Variants in XKR9 observed in about 807,000 individuals in gnomAD.
XKR9 encodes the protein XK-related protein 9.
XKR9 carries 32 observed loss-of-function variants against 32.0 expected under a neutral mutation model. The ratio of observed to expected loss-of-function variants is 1.00; its 90% CI spans 0.76 to 1.34. The LOEUF (loss-of-function observed/expected upper bound fraction) is 1.34, where lower values mean the gene tolerates loss of function less well. Ranked by LOEUF, XKR9 falls within the 40% of genes most tolerant of loss-of-function variation. XKR9 has a pLI of 0.00. For synonymous variants in XKR9, 168 were observed against 143.4 expected (o/e 1.17, Z -1.22); for missense variants, 546 against 429.7 (o/e 1.27, Z -2.39).
chr8:71,038,688 T>A, the XKR9 span, among the ~76,000 whole-genome samples: 1 of 147,126 alleles, frequency 6.8e-6, no homozygotes, highest in Non-Finnish European at 1.5e-5. Context: ...GAGGGAAACA[T>A]ATTAATTGTA....
chr8:70,746,217 C>T (rs1040998361), intron 2 of XKR9, among the ~76,000 whole-genome samples: 1 of 149,698 alleles, frequency 6.7e-6, no homozygotes, highest in Admixed American at 6.7e-5. Flanking sequence ...TAATTATATT[C>T]CATAAAGAAT....
At chr8:70,850,429 A>C in the XKR9 span, among the ~76,000 whole-genome samples, 1 of 139,822 alleles carries the variant, frequency 7.2e-6, no homozygotes, top group African/African-American at 2.7e-5. Flanking sequence ...TTGCTACTGC[A>C]CTCCAGCCCT....
At chr8:70,906,014 C>G in the XKR9 span, among the ~76,000 whole-genome samples, 4 of 152,202 alleles carry the variant, frequency 2.6e-5, no homozygotes, top group African/African-American at 9.7e-5. Flanking sequence ...GGGCACCCAG[C>G]TGTATGAGGT....
chr8:71,047,132 T>C, the XKR9 span, among the ~76,000 whole-genome samples: 1 of 152,258 alleles, frequency 6.6e-6, no homozygotes, highest in African/African-American at 2.4e-5. Flanking sequence ...ATGAGAATTA[T>C]GCGTGGTTTG....
intron 2 of XKR9, among the ~76,000 whole-genome samples, chr8:70,770,994 C>A (rs1398799516): frequency 2.6e-5 from 4 of 152,284 alleles, no homozygotes; most frequent in South Asian, 2.1e-4. Flanking sequence ...TTGGTGTCTG[C>A]TCAAATGACA....
intron 2 of XKR9, among the ~76,000 whole-genome samples, chr8:70,679,321 GGGCC>G: frequency 6.6e-6 from 1 of 152,148 alleles, no homozygotes; most frequent in South Asian, 2.1e-4. Context: ...AACATTTACT[GGGCC>G]CTAACTGTGT....
At chr8:70,946,585 A>C in the XKR9 span, among the ~76,000 whole-genome samples, 1 of 152,202 alleles carries the variant, frequency 6.6e-6, no homozygotes. Context: ...CACAACCACT[A>C]AATAGAGAAA....
At chr8:70,700,888 G>T (rs1805502396) in intron 3 of XKR9, among the ~76,000 whole-genome samples, 1 of 152,222 alleles carries the variant, frequency 6.6e-6, no homozygotes, top group African/African-American at 2.4e-5. Context: ...CCTGGGCAAT[G>T]GTGGGCACCC....
intron 2 of XKR9, among the ~76,000 whole-genome samples, chr8:70,761,347 T>C (rs1213309422): frequency 6.6e-6 from 1 of 152,184 alleles, no homozygotes; most frequent in East Asian, 1.9e-4. Flanking sequence ...AAAGTGTTCT[T>C]TTTTCACCAC....
the XKR9 span, among the ~76,000 whole-genome samples, chr8:71,047,047 C>T: frequency 6.6e-6 from 1 of 152,188 alleles, no homozygotes; most frequent in African/African-American, 2.4e-5. Context: ...TGGTCTCTTG[C>T]TATGTCCATC....
At chr8:70,757,957 C>G (rs866512220) in intron 2 of XKR9, among the ~76,000 whole-genome samples, 6 of 152,264 alleles carry the variant, frequency 3.9e-5, no homozygotes, top group Middle Eastern at 3.4e-3. Flanking sequence ...GTTGTTTTGA[C>G]AGGAAATTTA....
chr8:70,966,398 C>T, the XKR9 span, among the ~76,000 whole-genome samples: 1 of 152,104 alleles, frequency 6.6e-6, no homozygotes, highest in Non-Finnish European at 1.5e-5. Flanking sequence ...CAGGCATGCA[C>T]CACCATGCCC....
intron 2 of XKR9, among the ~76,000 whole-genome samples, chr8:70,785,364 C>A (rs1295081974): frequency 2.0e-5 from 3 of 151,844 alleles, no homozygotes; most frequent in East Asian, 1.9e-4. Context: ...TCTCCTCTTT[C>A]ATTTCTGATT....
At chr8:70,745,306 G>A (rs545371505) in intron 2 of XKR9, among the ~76,000 whole-genome samples, 69 of 152,064 alleles carry the variant, frequency 4.5e-4, no homozygotes, top group Middle Eastern at 3.4e-3. Flanking sequence ...TTAAATTTCC[G>A]CAACTAAATT....
chr8:70,847,374 C>A, the XKR9 span, among the ~76,000 whole-genome samples: 3 of 151,770 alleles, frequency 2.0e-5, no homozygotes, highest in Non-Finnish European at 4.4e-5. Flanking sequence ...TTAATGAATA[C>A]CTACAACAAG....
At chr8:70,739,744 T>C (rs578010078), downstream of XKR9, among the ~76,000 whole-genome samples, 1 of 152,302 alleles carries the variant, frequency 6.6e-6, no homozygotes, top group East Asian at 1.9e-4. Context: ...TTTGTCTGGA[T>C]ATGAAATTCT....
the XKR9 span, among the ~76,000 whole-genome samples, chr8:71,065,630 G>C: frequency 6.6e-6 from 1 of 152,360 alleles, no homozygotes; most frequent in South Asian, 2.1e-4. Context: ...TGGAAAGTAA[G>C]TTACACATAA....
chr8:70,722,389 T>C (rs1586856854), intron 4 of XKR9, among the ~76,000 whole-genome samples: 1 of 152,318 alleles, frequency 6.6e-6, no homozygotes, highest in East Asian at 1.9e-4. Context: ...TTCTTCATAG[T>C]GTCATAGGTC....
At chr8:70,903,253 G>A in the XKR9 span, among the ~76,000 whole-genome samples, 13 of 152,246 alleles carry the variant, frequency 8.5e-5, no homozygotes, top group Admixed American at 1.3e-4. Flanking sequence ...GAATTCGGCT[G>A]TGAATCCGTG....
Sources: gnomAD v4.1 joint callset for allele counts (sites outside exome capture counted in the v4.1 genomes callset) on GRCh38, gnomAD v4.1.1 for gene constraint, MANE v1.5 for transcripts, NCBI Gene and HGNC (gene_info 2026-07-23, HGNC 2026-07-21) for gene names.